Variants in SYT1 observed in about 807,000 individuals in gnomAD.
SYT1 encodes the protein synaptotagmin 1, also known as synaptotagmin-1.
Under a neutral mutation model 44.8 loss-of-function variants are expected in SYT1, and 8 were observed. That is an observed-to-expected ratio of 0.18 (90% confidence interval 0.10 to 0.32). The LOEUF is 0.32. SYT1 is among the 10% of genes least tolerant of loss of function. The pLI, the probability that SYT1 is intolerant of heterozygous loss-of-function variation, is 1.00. For synonymous variants in SYT1, 154 were observed against 188.8 expected (o/e 0.82, Z 1.51); for missense variants, 286 against 509.3 (o/e 0.56, Z 4.22).
intron 1 of SYT1, among the ~76,000 whole-genome samples, chr12:78,892,167 T>C (rs969979897): frequency 1.3e-5 from 2 of 151,768 alleles, no homozygotes; most frequent in Non-Finnish European, 2.9e-5. Flanking sequence ...AATGGGATAA[T>C]ACTTAACATA....
At chr12:78,955,327 C>T (rs1365144346) in intron 1 of SYT1, 2 of 152,026 alleles carry the variant, frequency 1.3e-5, no homozygotes, top group Non-Finnish European at 2.9e-5. Flanking sequence ...GCCATAACAC[C>T]AGTTGTGCCT....
At chr12:79,396,136 C>T (rs1391812948) in intron 9 of SYT1, among the ~76,000 whole-genome samples, 2 of 151,836 alleles carry the variant, frequency 1.3e-5, no homozygotes, top group African/African-American at 4.8e-5. Context: ...GTATGCTGAC[C>T]ATTTTATAAG....
intron 3 of SYT1, among the ~76,000 whole-genome samples, chr12:79,214,127 G>C (rs978295459): frequency 6.6e-6 from 1 of 152,034 alleles, no homozygotes; most frequent in Non-Finnish European, 1.5e-5. Context: ...TAAAACACTA[G>C]GCAATCCCTT....
rs140962049 is a variant in SYT1 at position 78,909,304 on chromosome 12, T to C, written c.-217+44195T>C. On this transcript the variant is annotated intron_variant, in intron 1 of 10. Transcript: ENST00000261205. ...ATTTACAAAACATCTCAGGGTGAGT[T>C]ATTTCTAAATTGCTTTGCTTCGTCT... 4.8e-4 allele frequency among the ~76,000 whole-genome samples: 73 copies of C among 152,088 alleles called. 1 individual carries two copies. Among genetic ancestry groups the C allele is most frequent in the African/African-American group, 1.7e-3 (71 of 41,536 alleles).
At chr12:79,286,380 T>C (rs1879315501) in intron 5 of SYT1, among the ~76,000 whole-genome samples, 1 of 152,202 alleles carries the variant, frequency 6.6e-6, no homozygotes, top group Admixed American at 6.5e-5. Context: ...GTTAAATAAC[T>C]GAGTTTTACG....
chr12:79,168,687 A>G (rs756570302), intron 3 of SYT1, among the ~76,000 whole-genome samples: 6 of 152,044 alleles, frequency 3.9e-5, no homozygotes, highest in Admixed American at 3.9e-4. Context: ...GCTCTTGGAC[A>G]TAGTTATCAT....
At chr12:78,929,642 G>A (rs940253112) in intron 1 of SYT1, among the ~76,000 whole-genome samples, 1 of 150,734 alleles carries the variant, frequency 6.6e-6, no homozygotes, top group Admixed American at 6.6e-5. Flanking sequence ...GAAAGTTGTG[G>A]AGTTTACAGT....
At chr12:79,309,710 T>A (rs890187960) in intron 8 of SYT1, among the ~76,000 whole-genome samples, 1 of 152,220 alleles carries the variant, frequency 6.6e-6, no homozygotes, top group Non-Finnish European at 1.5e-5. Flanking sequence ...TATTTATGCT[T>A]TAAAACTTAA....
In SYT1 at chr12:79,391,004, T is replaced by C. The variant is rs73354775; in HGVS notation, c.928+37385T>C. 6.4e-3 allele frequency among the ~76,000 whole-genome samples: 979 copies of C among 152,314 alleles called. 10 individuals carry two copies. Among genetic ancestry groups the C allele is most frequent in the African/African-American group, 0.022 (932 of 41,570 alleles). ...TTCCTCTTTCAGTGTTGGCTCCATC[T>C]TGGTGGCAAACATCCAGTAGTAACT... On this transcript the variant is annotated intron_variant, in intron 9 of 10. Coordinates refer to ENST00000261205, the MANE Select transcript of SYT1 (RefSeq NM_005639.3).
intron 9 of SYT1, among the ~76,000 whole-genome samples, chr12:79,434,677 G>A (rs1349471552): frequency 6.6e-6 from 1 of 152,184 alleles, no homozygotes; most frequent in East Asian, 1.9e-4. Context: ...ACTTATACAA[G>A]TGCCTGATGG....
intron 3 of SYT1, among the ~76,000 whole-genome samples, chr12:79,193,355 T>C (rs529291273): frequency 2.0e-5 from 3 of 152,264 alleles, no homozygotes; most frequent in South Asian, 2.1e-4. Flanking sequence ...AACAGTTGAC[T>C]TAGAACTTAA....
chr12:79,385,236 C>G (rs1270376279), intron 9 of SYT1, among the ~76,000 whole-genome samples: 5 of 152,024 alleles, frequency 3.3e-5, no homozygotes, highest in Non-Finnish European at 7.4e-5. Context: ...ATCTGCCAGC[C>G]TCGGCCTCCC....
chr12:79,412,566 C>T (rs567324901), intron 9 of SYT1, among the ~76,000 whole-genome samples: 7 of 152,148 alleles, frequency 4.6e-5, no homozygotes, highest in Admixed American at 2.6e-4. Context: ...GGGTGGGGGA[C>T]GGGACGATGG....
intron 6 of SYT1, among the ~76,000 whole-genome samples, chr12:79,293,094 C>T (rs1879667933): frequency 1.3e-5 from 2 of 149,620 alleles, no homozygotes; most frequent in East Asian, 2.0e-4. Context: ...AGGCATATCA[C>T]GAGGTCAGGA....
At chr12:79,233,061 C>T (rs992077477) in intron 4 of SYT1, among the ~76,000 whole-genome samples, 1 of 151,968 alleles carries the variant, frequency 6.6e-6, no homozygotes, top group African/African-American at 2.4e-5. Flanking sequence ...TCCTCCTTGC[C>T]CCTGCTGATT....
intron 4 of SYT1, among the ~76,000 whole-genome samples, chr12:79,275,751 G>A (rs1000402422): frequency 6.6e-6 from 1 of 152,154 alleles, no homozygotes; most frequent in Admixed American, 6.5e-5. Context: ...TTACCCTTAG[G>A]TGGCTTCTAC....
At chr12:78,899,722 G>T (rs1182278917) in intron 1 of SYT1, among the ~76,000 whole-genome samples, 1 of 151,752 alleles carries the variant, frequency 6.6e-6, no homozygotes, top group Admixed American at 6.6e-5. Flanking sequence ...ATTGGATTTT[G>T]TGAGCCTGGC....
At chr12:79,378,847 G>A (rs181658624) in intron 9 of SYT1, among the ~76,000 whole-genome samples, 6 of 152,246 alleles carry the variant, frequency 3.9e-5, no homozygotes, top group Admixed American at 3.3e-4. Context: ...AATAAAAATG[G>A]CCATTAGATG....
Position 79,015,775 on chromosome 12 carries a change from A to G in SYT1, c.-83-31522A>G, listed in dbSNP as rs184976965. 2.1e-3 allele frequency among the ~76,000 whole-genome samples: 321 copies of G among 152,254 alleles called. 2 individuals are homozygous for G. The Middle Eastern group carries it at 0.044, about 21-fold the overall frequency. ...TCTTATGCCATCATGTTTATCCTTT[A>G]TATCAATAAACTTCCATGTACATAC... is the stretch of plus-strand genomic sequence containing the variant. On this transcript the variant is annotated intron_variant, in intron 2 of 10. Coordinates refer to ENST00000261205, the MANE Select transcript of SYT1 (RefSeq NM_005639.3).
Sources: allele counts gnomAD v4.1 joint callset (sites outside exome capture counted in the v4.1 genomes callset), GRCh38; gene constraint gnomAD v4.1.1; transcripts MANE v1.5; gene names NCBI Gene and HGNC (gene_info 2026-07-23, HGNC 2026-07-21).